Variants in ENO1 observed in about 807,000 individuals in gnomAD.
ENO1 encodes enolase 1.
ENO1 carries 33 observed loss-of-function variants against 46.3 expected under a neutral mutation model. The observed-to-expected ratio is 0.71, with a 90% CI of 0.54 to 0.95. The LOEUF is 0.95. ENO1 is among the 40% of genes least tolerant of loss of function. ENO1 has a pLI of 0.00. For synonymous variants in ENO1, 220 were observed against 216.0 expected, an observed-to-expected ratio of 1.02 and a Z score of -0.16; for missense variants, 488 against 553.3, an observed-to-expected ratio of 0.88 and a Z score of 1.18.
intron 1 of ENO1, chr1:8,875,945 C>T (rs1411552016): frequency 6.6e-6 from 1 of 151,972 alleles, no homozygotes; most frequent in Non-Finnish European, 1.5e-5. Flanking sequence ...ATTATTTCTT[C>T]CCAACGGGGT....
chr1:8,868,942 C>T (rs999111029), intron 4 of ENO1, among the ~76,000 whole-genome samples: 6 of 152,094 alleles, frequency 3.9e-5, no homozygotes, highest in African/African-American at 1.4e-4. Flanking sequence ...CTCCTAAAGT[C>T]CTCCTAAAGT....
At position 8,867,262 on chromosome 1, in the gene ENO1, G is replaced by A. The variant is rs1642540569; in HGVS notation, c.311-12C>T. 2 of 1,613,862 alleles carry A rather than the reference G, an allele frequency of 1.2e-6. No homozygotes were observed. Among genetic ancestry groups the A allele is most frequent in the Non-Finnish European group, 1.7e-6 (2 of 1,179,786 alleles). ...CGCACCAAACTTAGCTAGAACAGAA[G>A]AGAACCGAGTGGAATGAAGTCATTT... is the stretch of plus-strand genomic sequence containing the variant. On this transcript the variant is annotated splice_polypyrimidine_tract_variant and intron_variant, in intron 5 of 11. Coordinates refer to ENST00000234590, the MANE Select transcript of ENO1 (RefSeq NM_001428.5).
chr1:8,878,657 A>C lies in ENO1; in HGVS notation c.-87T>G, dbSNP rs1180372436. ...CCGAGGTGAACGTAAAGCCGGCGAG[A>C]TCTCCGTGCTCCGGGTACCCACAGA... On this transcript the variant is annotated 5_prime_UTR_variant, in exon 1 of 12. Coordinates refer to ENST00000234590, the MANE Select transcript of ENO1 (RefSeq NM_001428.5). 1 of 455,950 alleles carries C rather than the reference A, an allele frequency of 2.2e-6. No homozygotes were observed. 28.2% of individuals were successfully genotyped at this position (455,950 alleles called of 1,614,324 possible).
intron 9 of ENO1, among the ~76,000 whole-genome samples, 187 bp from the exon 10 acceptor site, chr1:8,863,530 C>G (rs1182888764): frequency 6.6e-6 from 1 of 152,206 alleles, no homozygotes; most frequent in East Asian, 1.9e-4. Context: ...CTTCCACCCC[C>G]AGGACCTTCT....
chr1:8,876,620 G>A (rs1213793082), intron 1 of ENO1, among the ~76,000 whole-genome samples: 2 of 152,004 alleles, frequency 1.3e-5, no homozygotes, highest in South Asian at 2.1e-4. Flanking sequence ...AGTCTTGGCC[G>A]GGCGCGGTGG....
At position 8,863,989 on chromosome 1, in the gene ENO1, G is replaced by A. The variant is rs1343209354; in HGVS notation, c.969C>T (p.Thr323=). 2 of 1,614,040 alleles carry A rather than the reference G, an allele frequency of 1.2e-6. No homozygotes were observed. The highest frequency in any genetic ancestry group is 1.7e-6 in the Non-Finnish European group (2 of 1,180,044). Reference sequence around the variant, plus strand: ...CGGCCTTGGCGATCCTCTTTGGGTTGGTCACTGTGAGATCATCCCCCACTA... The same window carrying A: ...CGGCCTTGGCGATCCTCTTTGGGTTAGTCACTGTGAGATCATCCCCCACTA... ...IQVVGDDLTV[T]NPKRIAKAVN... Residue 323 remains threonine, a synonymous_variant, in exon 9 of 12, where the codon ACC becomes ACT. Coordinates refer to ENST00000234590, the MANE Select transcript of ENO1 (RefSeq NM_001428.5).
chr1:8,863,529 C>T (rs917948213), intron 9 of ENO1, among the ~76,000 whole-genome samples, 186 bp from the exon 10 acceptor site: 1 of 152,182 alleles, frequency 6.6e-6, no homozygotes, highest in Non-Finnish European at 1.5e-5. Context: ...TCTTCCACCC[C>T]CAGGACCTTC....
At chr1:8,871,188 C>G (rs754298318) in intron 3 of ENO1, 2 of 1,072,782 alleles carry the variant, frequency 1.9e-6, no homozygotes, top group Non-Finnish European at 2.3e-6. Context: ...ACCACCACTG[C>G]GACACCAGCC....
intron 8 of ENO1, among the ~76,000 whole-genome samples, chr1:8,864,680 A>T (rs557251192): frequency 3.3e-5 from 5 of 152,262 alleles, no homozygotes; most frequent in Non-Finnish European, 5.9e-5. Flanking sequence ...TGCCACTGAA[A>T]ATCAGAATGG....
At chr1:8,861,677 G>A (rs1430720601) in intron 11 of ENO1, among the ~76,000 whole-genome samples, 5 of 151,956 alleles carry the variant, frequency 3.3e-5, no homozygotes, top group African/African-American at 4.8e-5. Context: ...TCCACCCACC[G>A]CCCCTTCTCT....
chr1:8,863,387 G>A, intron 9 of ENO1, 44 bp from the exon 10 acceptor site: 1 of 1,576,338 alleles, frequency 6.3e-7, no homozygotes, highest in Non-Finnish European at 8.6e-7. Context: ...CCCATTTTCT[G>A]GTTCCATAAC....
intron 2 of ENO1, among the ~76,000 whole-genome samples, chr1:8,872,485 C>T (rs962352310): frequency 2.0e-5 from 3 of 151,974 alleles, no homozygotes; most frequent in South Asian, 2.1e-4. Context: ...TGGGTTCAAG[C>T]GATTCTCCTG....
chr1:8,863,022 C>CA (rs1642437454), intron 10 of ENO1, 77 bp from the exon 11 acceptor site: 1 of 1,563,108 alleles, frequency 6.4e-7, no homozygotes, highest in African/African-American at 1.4e-5. Context: ...GGTGTGGTGT[C>CA]AGAGAGAGAA....
At chr1:8,875,583 T>G (rs1289746551) in intron 1 of ENO1, among the ~76,000 whole-genome samples, 1 of 152,178 alleles carries the variant, frequency 6.6e-6, no homozygotes, top group East Asian at 1.9e-4. Context: ...AAATAGTGAA[T>G]GAAGTTTGGA....
In ENO1 at chr1:8,870,752, T is replaced by C; in HGVS notation, c.182-242A>G. ...AAACAGCAGCTGGCTCAGAACGATC[T>C]GACTGGAGGTTAGTTTGCAAGACCA... On this transcript the variant is annotated intron_variant, in intron 3 of 11. Transcript: ENST00000234590. The C allele has an allele frequency of 9.1e-6, 13 of 1,421,384 alleles. No individual in the cohort carries two copies. In the African/African-American group the frequency reaches 1.1e-4, roughly 13 times the overall value. The allele number at this position is 1,421,384 out of a possible 1,614,324, so 88.0% of individuals were successfully genotyped here. A position where few individuals can be genotyped will look rare whatever the true frequency, so the allele number is the denominator to read the frequency against.
In ENO1 at chr1:8,863,871, T is replaced by A. The variant is rs1201143122; in HGVS notation, c.1067+20A>T. On this transcript the variant is annotated intron_variant, in intron 9 of 11. Coordinates refer to ENST00000234590, the MANE Select transcript of ENO1 (RefSeq NM_001428.5). Reference sequence around the variant, plus strand: ...CAAGCCGTAGCTGCGGGAAAGCTGCTCGCCTGGGAAGACACTTACGCCTGA... The same window carrying A: ...CAAGCCGTAGCTGCGGGAAAGCTGCACGCCTGGGAAGACACTTACGCCTGA... 5.0e-6 allele frequency: 8 copies of A among 1,614,048 alleles called. No homozygotes were observed. Among genetic ancestry groups the A allele is most frequent in the Non-Finnish European group, 6.8e-6 (8 of 1,179,904 alleles).
At chr1:8,878,156 G>A (rs1411530734) in intron 1 of ENO1, 1 of 155,904 alleles carries the variant, frequency 6.4e-6, no homozygotes, top group African/African-American at 2.4e-5. Flanking sequence ...TCCATTTTAG[G>A]AAGGGCCTGG....
At chr1:8,875,381 G>A (rs1182808315) in intron 1 of ENO1, among the ~76,000 whole-genome samples, 1 of 152,028 alleles carries the variant, frequency 6.6e-6, no homozygotes, top group Non-Finnish European at 1.5e-5. Context: ...ATAGAAAGAT[G>A]AATGTGTTGC....
intron 7 of ENO1, chr1:8,866,077 A>C (rs1642506602): frequency 2.0e-5 from 1 of 48,890 alleles, no homozygotes; most frequent in East Asian, 2.8e-4. Context: ...ACTCCATCTC[A>C]AAAAAAAAAA....
Sources: allele counts gnomAD v4.1 joint callset (sites outside exome capture counted in the v4.1 genomes callset), GRCh38; gene constraint gnomAD v4.1.1; transcripts MANE v1.5; gene names NCBI Gene and HGNC (gene_info 2026-07-23, HGNC 2026-07-21).